Variants in SORCS2 observed in about 807,000 individuals in gnomAD.
SORCS2 encodes VPS10 domain-containing receptor SorCS2.
A neutral mutation model predicts 141.6 loss-of-function variants in SORCS2; 100 were observed. That is an observed-to-expected ratio of 0.71 (90% CI 0.60 to 0.83). SORCS2 has a LOEUF of 0.83. SORCS2 is among the 40% of genes least tolerant of loss of function. The pLI, the probability that SORCS2 is intolerant of heterozygous loss-of-function variation, is 0.00. For synonymous variants in SORCS2, 789 were observed against 676.9 expected (o/e 1.17, Z -2.57); for missense variants, 1,646 against 1,560.2 (o/e 1.05, Z -0.93).
At chr4:7,344,886 G>C (rs759918367) in intron 1 of SORCS2, among the ~76,000 whole-genome samples, 1 of 152,204 alleles carries the variant, frequency 6.6e-6, no homozygotes, top group East Asian at 1.9e-4. Context: ...CAGTGGATCG[G>C]AGGGGGAGTC....
intron 3 of SORCS2, among the ~76,000 whole-genome samples, chr4:7,587,400 C>T (rs1367491543): frequency 6.6e-6 from 1 of 152,332 alleles, no homozygotes; most frequent in East Asian, 1.9e-4. Context: ...TTGACCCTCA[C>T]ACACCTGCCA....
At chr4:7,736,984 TGGTCAGGCGGCCAGC>T in intron 25 of SORCS2, 70 bp from the exon 26 acceptor site, 4 of 1,510,404 alleles carry the variant, frequency 2.6e-6, no homozygotes, top group Non-Finnish European at 3.6e-6. Flanking sequence ...ACACTCGGTG[TGGTCAGGCGGCCAGC>T]GGAAGGCTCC....
At chr4:7,326,964 AC>A (rs1271048293) in intron 1 of SORCS2, among the ~76,000 whole-genome samples, 1 of 152,124 alleles carries the variant, frequency 6.6e-6, no homozygotes, top group Non-Finnish European at 1.5e-5. Flanking sequence ...TCCCCTGGTC[AC>A]CCGTGGCTGA....
At position 7,519,260 on chromosome 4, in the gene SORCS2, G is replaced by C. The variant is rs74619587; in HGVS notation, c.549-12270G>C. Among the ~76,000 whole-genome samples the C allele has an allele frequency of 7.3e-3, 1,114 of 152,244 alleles. 12 individuals carry two copies. Among genetic ancestry groups the C allele is most frequent in the African/African-American group, 0.025 (1,051 of 41,538 alleles). ...TGGATGGTTATACACAAATTCTAAA[G>C]ACTCCATCAGTTGGGACAAGAGCCA... On this transcript the variant is annotated intron_variant, in intron 2 of 26. Transcript: ENST00000507866.
intron 3 of SORCS2, among the ~76,000 whole-genome samples, chr4:7,587,455 G>C (rs140468179): frequency 5.0e-4 from 76 of 152,334 alleles, no homozygotes; most frequent in African/African-American, 1.8e-3. Context: ...GAAGAGCCAG[G>C]CTCCTAGGAG....
chr4:7,455,560 C>G (rs1728846007), intron 2 of SORCS2, among the ~76,000 whole-genome samples: 1 of 139,682 alleles, frequency 7.2e-6, no homozygotes, highest in East Asian at 2.2e-4. Flanking sequence ...GGGTCAGGCA[C>G]TGTGTTGGGG....
At chr4:7,374,592 G>A (rs1686307267) in intron 1 of SORCS2, among the ~76,000 whole-genome samples, 1 of 152,174 alleles carries the variant, frequency 6.6e-6, no homozygotes, top group Admixed American at 6.5e-5. Context: ...ACCTTTGTCT[G>A]TGCCACGTCC....
chr4:7,667,007 G>A lies in SORCS2; in HGVS notation c.1072-117G>A, dbSNP rs1722544374. On this transcript the variant is annotated intron_variant, in intron 7 of 26. Coordinates refer to ENST00000507866, the MANE Select transcript of SORCS2 (RefSeq NM_020777.3). ...CTGTTCATTTCAAGCAGAACAGGTA[G>A]AAGGAAAGTAAAAGGGCATTTTCAC... is the stretch of plus-strand genomic sequence containing the variant. 3.3e-6 allele frequency: 3 copies of A among 902,036 alleles called. No homozygotes were observed. The East Asian group carries it at 7.3e-5, about 22-fold the overall frequency. The allele number at this position is 902,036 out of a possible 1,614,324, so 55.9% of individuals were successfully genotyped here.
At chr4:7,422,263 A>G (rs1726128609) in intron 2 of SORCS2, among the ~76,000 whole-genome samples, 1 of 152,086 alleles carries the variant, frequency 6.6e-6, no homozygotes, top group Non-Finnish European at 1.5e-5. Flanking sequence ...CTCAGAGCCC[A>G]GCTCAGCCTC....
chr4:7,709,899 T>G lies in SORCS2; in HGVS notation c.1869-2834T>G, dbSNP rs1052908747. On this transcript the variant is annotated intron_variant, in intron 14 of 26. Coordinates refer to ENST00000507866, the MANE Select transcript of SORCS2 (RefSeq NM_020777.3). The stretch of plus-strand genomic sequence containing the variant: ...GAGTGGAGGCTCCCAGAGCCTTCCC[T>G]GGCTACATGGTTCACCCCTCGCAGC... Among the ~76,000 whole-genome samples the G allele has an allele frequency of 3.3e-5, 5 of 152,308 alleles. 1 individual carries two copies. Among genetic ancestry groups the G allele is most frequent in the Admixed American group, 3.3e-4 (5 of 15,296 alleles).
chr4:7,641,402 C>G (rs995246289), intron 4 of SORCS2, among the ~76,000 whole-genome samples: 1 of 152,174 alleles, frequency 6.6e-6, no homozygotes, highest in Non-Finnish European at 1.5e-5. Flanking sequence ...TGAGAACTCA[C>G]TCATTATCAC....
chr4:7,598,586 TG>T (rs1717440285), intron 3 of SORCS2, among the ~76,000 whole-genome samples: 2 of 152,192 alleles, frequency 1.3e-5, no homozygotes, highest in South Asian at 2.1e-4. Context: ...GGCGGCTGTG[TG>T]GGGGGCAATG....
intron 2 of SORCS2, among the ~76,000 whole-genome samples, chr4:7,465,764 C>CGATG (rs1341720353): frequency 5.3e-5 from 8 of 152,334 alleles, no homozygotes; most frequent in Non-Finnish European, 1.2e-4. Flanking sequence ...TAATCTCCAT[C>CGATG]AAGATGGTGA....
intron 1 of SORCS2, among the ~76,000 whole-genome samples, chr4:7,265,456 A>G (rs996434939): frequency 3.3e-5 from 5 of 152,110 alleles, no homozygotes; most frequent in Admixed American, 3.3e-4. Flanking sequence ...GCACCACTGC[A>G]CTCCAGCCTG....
chr4:7,347,613 C>A (rs778407996), intron 1 of SORCS2, among the ~76,000 whole-genome samples: 1 of 152,178 alleles, frequency 6.6e-6, no homozygotes, highest in Non-Finnish European at 1.5e-5. Context: ...GGTTCCAAAT[C>A]CCACGCCTAT....
At chr4:7,259,034 T>C (rs1046447495) in intron 1 of SORCS2, among the ~76,000 whole-genome samples, 7 of 152,246 alleles carry the variant, frequency 4.6e-5, no homozygotes, top group Non-Finnish European at 2.9e-5. Context: ...TAGCCCTTTG[T>C]CAGATGGATA....
At chr4:7,284,714 G>C (rs4689680) in intron 1 of SORCS2, among the ~76,000 whole-genome samples, 1 of 151,984 alleles carries the variant, frequency 6.6e-6, no homozygotes, top group Non-Finnish European at 1.5e-5. Flanking sequence ...ACTCAGGTCA[G>C]CTGGCTCCTG....
At chr4:7,303,019 G>C (rs1560176735) in intron 1 of SORCS2, among the ~76,000 whole-genome samples, 3 of 152,166 alleles carry the variant, frequency 2.0e-5, no homozygotes, top group Non-Finnish European at 4.4e-5. Flanking sequence ...CTGCGCCCCT[G>C]GGGTGCTGTG....
intron 2 of SORCS2, among the ~76,000 whole-genome samples, chr4:7,469,775 C>A (rs79013589): frequency 4.3e-4 from 65 of 152,356 alleles, no homozygotes; most frequent in Non-Finnish European, 8.4e-4. Context: ...AGGCTGAGAA[C>A]CCCTGCAAAG....
Sources: allele counts gnomAD v4.1 joint callset (sites outside exome capture counted in the v4.1 genomes callset), GRCh38; gene constraint gnomAD v4.1.1; transcripts MANE v1.5; gene names NCBI Gene and HGNC (gene_info 2026-07-23, HGNC 2026-07-21).